Variants in ASIC5 observed in about 807,000 individuals in gnomAD.
ASIC5 encodes bile acid-sensitive ion channel.
In ASIC5, 52 loss-of-function variants were observed where a neutral mutation model predicts 51.2. The observed-to-expected ratio is 1.02, with a 90% CI of 0.81 to 1.28. ASIC5 has a LOEUF of 1.28. Among genes scored for constraint, ASIC5 ranks in the 50% most tolerant of loss-of-function variants. The pLI is 0.00. For synonymous variants in ASIC5, 231 were observed against 200.7 expected (o/e 1.15, Z -1.28); for missense variants, 635 against 595.0 (o/e 1.07, Z -0.70).
At chr4:155,837,030 C>A (rs1740998863) in intron 7 of ASIC5, among the ~76,000 whole-genome samples, 173 bp from the exon 8 acceptor site, 1 of 152,078 alleles carries the variant, frequency 6.6e-6, no homozygotes, top group Non-Finnish European at 1.5e-5. Flanking sequence ...AGAGGAGATA[C>A]AATATAAGGC....
chr4:155,844,947 T>C (rs1239310547), intron 4 of ASIC5, among the ~76,000 whole-genome samples: 1 of 152,040 alleles, frequency 6.6e-6, no homozygotes, highest in Non-Finnish European at 1.5e-5. Flanking sequence ...ACGACCAATC[T>C]TGTTCAGGGA....
intron 9 of ASIC5, among the ~76,000 whole-genome samples, chr4:155,830,317 C>T (rs937376263): frequency 6.6e-5 from 10 of 151,914 alleles, no homozygotes; most frequent in Non-Finnish European, 4.4e-5. Flanking sequence ...TATAAAATCT[C>T]GGTAAATTCA....
At chr4:155,843,192 G>A (rs1741160151) in intron 5 of ASIC5, among the ~76,000 whole-genome samples, 1 of 152,040 alleles carries the variant, frequency 6.6e-6, no homozygotes. Context: ...TTTCTTTATG[G>A]TACTTCACTT....
Position 155,866,114 on chromosome 4 carries a change from ATC to A in ASIC5, c.40+71_40+72del, listed in dbSNP as rs1263909039. ...CAAATTTCCCAAATGAAGAAAAAAA[ATC>A]TCTCTTTTCTTACTTCTGGCCTCTA... On this transcript the variant is annotated intron_variant, in intron 1 of 9. Transcript: ENST00000537611. 8 of 933,238 alleles carry A rather than the reference ATC, an allele frequency of 8.6e-6. No homozygotes were observed. The African/African-American group carries it at 1.2e-4, about 14-fold the overall frequency. The allele number at this position is 933,238 out of a possible 1,614,324, so 57.8% of individuals were successfully genotyped here. A position where few individuals can be genotyped will look rare whatever the true frequency, so the allele number is the denominator to read the frequency against.
chr4:155,836,637 GA>G (rs35125837), intron 8 of ASIC5, 51 bp downstream of exon 8: 1 of 1,048,802 alleles, frequency 9.5e-7, no homozygotes, highest in South Asian at 2.1e-5. Context: ...TTTCAATAAA[GA>G]AAAAAAAATC....
At chr4:155,846,604 A>G (rs1273369917) in intron 4 of ASIC5, among the ~76,000 whole-genome samples, 1 of 152,098 alleles carries the variant, frequency 6.6e-6, no homozygotes, top group African/African-American at 2.4e-5. Flanking sequence ...AGATGGAGTC[A>G]ATTAGGTCGT....
chr4:155,848,034 A>C lies in ASIC5; in HGVS notation c.711+4157T>G, dbSNP rs542581862. On this transcript the variant is annotated intron_variant, in intron 4 of 9. Transcript: ENST00000537611. ...CTTATGGAAGTTATATTTTATGGTC[A>C]AGATTAAATTTTATAGATTGTTTAC... 1.6e-4 allele frequency among the ~76,000 whole-genome samples: 24 copies of C among 152,212 alleles called. No individual in the cohort carries two copies. The East Asian group carries it at 4.6e-3, about 29-fold the overall frequency.
At chr4:155,854,643 T>C (rs1741481311) in intron 2 of ASIC5, 2 of 308,672 alleles carry the variant, frequency 6.5e-6, no homozygotes, top group Admixed American at 4.7e-5. Context: ...TTCCTGTGTG[T>C]GGCCTTGTCC....
Position 155,863,735 on chromosome 4 carries a change from C to G in ASIC5, c.60G>C (p.Lys20Asn), listed in dbSNP as rs2110778741. The G allele has an allele frequency of 6.2e-7, 1 of 1,612,912 alleles. No homozygotes were observed. Among genetic ancestry groups the G allele is most frequent in the African/African-American group, 1.3e-5 (1 of 74,956 alleles). The change falls in exon 2 of 10, where the codon AAG becomes AAC. Residue 20 changes from lysine (K) to asparagine (N), a missense_variant. By Grantham distance (94) the Lys-to-Asn change is moderately conservative. Coordinates refer to ENST00000537611, the MANE Select transcript of ASIC5 (RefSeq NM_017419.3). Reference protein sequence around the residue: ...YAENGLLEKIKLCLSKKPLPS... With the variant: ...YAENGLLEKINLCLSKKPLPS... ...GCAGTGGTTTCTTTGAAAGGCAAAG[C>G]TTTATCTTTTCTAAGAGTCCTTAAG...
At chr4:155,856,578 A>C (rs917404319) in intron 2 of ASIC5, among the ~76,000 whole-genome samples, 1 of 152,108 alleles carries the variant, frequency 6.6e-6, no homozygotes, top group Non-Finnish European at 1.5e-5. Context: ...GTCATCTGTC[A>C]TGGTGGTATT....
At chr4:155,859,040 A>C (rs1450072093) in intron 2 of ASIC5, 1 of 151,918 alleles carries the variant, frequency 6.6e-6, no homozygotes, top group Non-Finnish European at 1.5e-5. Flanking sequence ...TTTCTGTGAG[A>C]AAATTGTAAG....
Position 155,829,758 on chromosome 4 carries a change from C to A in ASIC5, c.*98G>T. 2 of 703,596 alleles carry A rather than the reference C, an allele frequency of 2.8e-6. No individual in the cohort carries two copies. The highest frequency in any genetic ancestry group is 2.2e-6 in the Non-Finnish European group (1 of 453,064). The allele number at this position is 703,596 out of a possible 1,614,324, so 43.6% of individuals were successfully genotyped here. A position where few individuals can be genotyped will look rare whatever the true frequency, so the allele number is the denominator to read the frequency against. ...GATACATATCTTTAATGGCTTTTAT[C>A]GAACTCTCAAAACTATAGAAAAGTG... On this transcript the variant is annotated 3_prime_UTR_variant, in exon 10 of 10. Coordinates refer to ENST00000537611, the MANE Select transcript of ASIC5 (RefSeq NM_017419.3).
intron 8 of ASIC5, among the ~76,000 whole-genome samples, chr4:155,834,975 C>A (rs1740943834): frequency 6.6e-6 from 1 of 152,080 alleles, no homozygotes; most frequent in South Asian, 2.1e-4. Flanking sequence ...CCACTCCATA[C>A]CCCCTTCTGG....
intron 6 of ASIC5, among the ~76,000 whole-genome samples, chr4:155,841,203 G>A (rs1160883880): frequency 6.6e-6 from 1 of 152,148 alleles, no homozygotes; most frequent in African/African-American, 2.4e-5. Flanking sequence ...AGCAGGCATG[G>A]TGAGCCCGTT....
At chr4:155,850,845 G>A (rs1236919336) in intron 4 of ASIC5, among the ~76,000 whole-genome samples, 1 of 151,892 alleles carries the variant, frequency 6.6e-6, no homozygotes, top group Admixed American at 6.6e-5. Context: ...TAAATCTTTT[G>A]TCAGATGAAG....
intron 2 of ASIC5, among the ~76,000 whole-genome samples, chr4:155,855,721 TG>T (rs1741519339): frequency 6.7e-6 from 1 of 149,220 alleles, no homozygotes; most frequent in African/African-American, 2.4e-5. Context: ...TATATCTATA[TG>T]TGTGTGTATA....
intron 2 of ASIC5, 136 bp downstream of exon 2, chr4:155,863,312 G>A: frequency 3.0e-6 from 2 of 661,956 alleles, no homozygotes; most frequent in East Asian, 5.5e-5. Flanking sequence ...GCTTTTGAGT[G>A]CAATTTAAGT....
At chr4:155,847,522 A>G (rs1741282534) in intron 4 of ASIC5, among the ~76,000 whole-genome samples, 1 of 152,008 alleles carries the variant, frequency 6.6e-6, no homozygotes, top group Non-Finnish European at 1.5e-5. Flanking sequence ...GGAGTTCCAG[A>G]CCAGCCTGGC....
rs764616247 is a variant in ASIC5 at position 155,830,002 on chromosome 4, T to A, written c.1372A>T (p.Ile458Phe). ...TATTCAATAATTTCTATGATCGTGA[T>A]CAGACTGGCCCCACAAAATAGACCC... Reference protein sequence around the residue: ...QLGLFCGASLITIIEIIEYLF... With the variant: ...QLGLFCGASLFTIIEIIEYLF... Residue 458 changes from isoleucine to phenylalanine, a missense_variant, in exon 10 of 10, where the codon ATC becomes TTC. Transcript: ENST00000537611. The A allele has an allele frequency of 3.8e-6, 6 of 1,594,238 alleles. No homozygotes were observed. The Admixed American group carries it at 6.9e-5, about 18-fold the overall frequency.
Sources: gnomAD v4.1 joint callset for allele counts (sites outside exome capture counted in the v4.1 genomes callset) on GRCh38, gnomAD v4.1.1 for gene constraint, MANE v1.5 for transcripts, NCBI Gene and HGNC (gene_info 2026-07-23, HGNC 2026-07-21) for gene names.